Variants in DCUN1D2 observed in about 807,000 individuals in gnomAD.
DCUN1D2 encodes defective in cullin neddylation 1 domain containing 2.
In DCUN1D2, 29 loss-of-function variants were observed where a neutral mutation model predicts 30.9. The observed-to-expected ratio is 0.94, with a 90% CI of 0.70 to 1.28. DCUN1D2 has a LOEUF of 1.28. Ranked by LOEUF, DCUN1D2 falls within the 50% of genes most tolerant of loss-of-function variation. DCUN1D2 has a pLI of 0.00. For missense variants in DCUN1D2, 325 were observed against 316.9 expected (o/e 1.03, Z -0.19); for synonymous variants, 121 against 115.3 (o/e 1.05, Z -0.32).
chr13:113,477,872 T>C (rs2139724051), intron 3 of DCUN1D2, among the ~76,000 whole-genome samples: 1 of 152,324 alleles, frequency 6.6e-6, no homozygotes, highest in African/African-American at 2.4e-5. Flanking sequence ...TCTGTCATGA[T>C]GTATCATCCT....
upstream of DCUN1D2, chr13:113,491,221 C>T (rs1191883885): frequency 6.6e-6 from 1 of 152,332 alleles, no homozygotes; most frequent in African/African-American, 2.4e-5. Flanking sequence ...CGGCCCAGGC[C>T]GCGGAACGGT....
chr13:113,490,956 C>G (rs1055100159), upstream of DCUN1D2: 1 of 198,610 alleles, frequency 5.0e-6, no homozygotes, highest in African/African-American at 2.3e-5. This position sits in a 1 kb window ranked among gnomAD's most constrained non-coding sequence, Gnocchi z 5.2. Flanking sequence ...AAGTGCTCGC[C>G]GCCCGCGGCC....
Position 113,456,449 on chromosome 13 carries a change from G to A in DCUN1D2, c.*1580C>T. On this transcript the variant is annotated 3_prime_UTR_variant, in exon 7 of 7. Transcript: ENST00000478244. ...TTCTCAGAAGCCAACCCAGCTGCTT[G>A]TCTGGGCCATGCTCTCTCACACCGC... 2.5e-6 allele frequency: 1 copy of A among 398,762 alleles called. No individual in the cohort carries two copies. The highest frequency in any genetic ancestry group is 3.6e-5 in the East Asian group (1 of 28,084). The allele number at this position is 398,762 out of a possible 1,614,324, so 24.7% of individuals were successfully genotyped here.
rs565604739 is a variant in DCUN1D2 at position 113,456,001 on chromosome 13, A to G, written c.*2028T>C. ...TCTCAAAAACAAAAAAGTACTGTGGATCTCCATAGTTTATACAGAATTATG... is the reference window on the plus strand; with the variant it reads ...TCTCAAAAACAAAAAAGTACTGTGGGTCTCCATAGTTTATACAGAATTATG... On this transcript the variant is annotated 3_prime_UTR_variant, in exon 7 of 7. Coordinates refer to ENST00000478244, the MANE Select transcript of DCUN1D2 (RefSeq NM_001014283.2). 2 of 391,406 alleles carry G rather than the reference A, an allele frequency of 5.1e-6. No homozygotes were observed. The highest frequency in any genetic ancestry group is 8.9e-5 in the Admixed American group (2 of 22,554). 24.2% of individuals were successfully genotyped at this position (391,406 alleles called of 1,614,324 possible).
chr13:113,489,041 T>C (rs2044858617), intron 1 of DCUN1D2: 5 of 850,236 alleles, frequency 5.9e-6, no homozygotes, highest in Non-Finnish European at 7.1e-6. Context: ...GATACCCATA[T>C]GTAAAATGGA....
Position 113,456,515 on chromosome 13 carries a change from C to G in DCUN1D2, c.*1514G>C. 7.5e-6 allele frequency: 3 copies of G among 397,560 alleles called. No individual in the cohort carries two copies. Among genetic ancestry groups the G allele is most frequent in the Non-Finnish European group, 1.3e-5 (3 of 225,734 alleles). 24.6% of individuals were successfully genotyped at this position (397,560 alleles called of 1,614,324 possible). On this transcript the variant is annotated 3_prime_UTR_variant, in exon 7 of 7. Coordinates refer to ENST00000478244, the MANE Select transcript of DCUN1D2 (RefSeq NM_001014283.2). Reference sequence around the variant, plus strand: ...GGCGACTCTCCTCTGTGCTGGGCAGCAGCTCCAGCTGGTCCACGTCCTGCA... The same window carrying G: ...GGCGACTCTCCTCTGTGCTGGGCAGGAGCTCCAGCTGGTCCACGTCCTGCA...
intron 5 of DCUN1D2, among the ~76,000 whole-genome samples, chr13:113,460,151 A>G (rs1393296696): frequency 6.6e-6 from 1 of 152,246 alleles, no homozygotes; most frequent in Non-Finnish European, 1.5e-5. Flanking sequence ...CATAGCTGCA[A>G]AGACGTCTCT....
Position 113,483,912 on chromosome 13 carries a change from A to T in DCUN1D2, c.148T>A (p.Ser50Thr), listed in dbSNP as rs1594125111. 1.2e-6 allele frequency: 2 copies of T among 1,613,986 alleles called. No homozygotes were observed. ...TTCCGCATGGACTCCCTGTGGAGCGAGTCTGGGTTTTGGAAGAAGCTGTCC... is the reference window on the plus strand; with the variant it reads ...TTCCGCATGGACTCCCTGTGGAGCGTGTCTGGGTTTTGGAAGAAGCTGTCC... ...ATDSFFQNPDSLHRESMRNAV... is the reference protein window; with the variant it reads ...ATDSFFQNPDTLHRESMRNAV... The change falls in exon 2 of 7, where the codon TCG becomes ACG. Residue 50 changes from serine (S) to threonine (T), a missense_variant. Coordinates refer to ENST00000478244, the MANE Select transcript of DCUN1D2 (RefSeq NM_001014283.2).
intron 4 of DCUN1D2, among the ~76,000 whole-genome samples, chr13:113,469,760 G>T (rs2044470932): frequency 6.7e-6 from 1 of 148,156 alleles, no homozygotes; most frequent in African/African-American, 2.4e-5. Flanking sequence ...GATCACTTAA[G>T]CCCAAGAATT....
rs2044520151 is a variant in DCUN1D2 at position 113,471,777 on chromosome 13, G to GC, written c.520+2346_520+2347insG. ...CTTAAGACATTCAAAGGATCGAAAA[G>GC]GATTTTTCATACCCAGCACGCAAGG... On this transcript the variant is annotated intron_variant, in intron 4 of 6. Transcript: ENST00000478244. 3.3e-5 allele frequency among the ~76,000 whole-genome samples: 5 copies of GC among 152,162 alleles called. 1 individual carries two copies.
chr13:113,491,399 C>A (rs1350667585), upstream of DCUN1D2: 3 of 149,964 alleles, frequency 2.0e-5, no homozygotes, highest in African/African-American at 7.4e-5. Flanking sequence ...TCCCAAGGGT[C>A]CCCTTCCTTC....
At chr13:113,465,144 G>A (rs1566494440) in intron 4 of DCUN1D2, among the ~76,000 whole-genome samples, 1 of 152,180 alleles carries the variant, frequency 6.6e-6, no homozygotes, top group Non-Finnish European at 1.5e-5. Flanking sequence ...AATAGAAGCT[G>A]AGTTATCCTA....
At chr13:113,484,542 A>G (rs980304977) in intron 1 of DCUN1D2, among the ~76,000 whole-genome samples, 1 of 152,210 alleles carries the variant, frequency 6.6e-6, no homozygotes, top group African/African-American at 2.4e-5. Context: ...ATGTACACAA[A>G]TAACTAAGAA....
intron 2 of DCUN1D2, among the ~76,000 whole-genome samples, chr13:113,481,720 C>T (rs181163741): frequency 0.012 from 1,769 of 152,022 alleles, 38 homozygotes; most frequent in South Asian, 0.099. Context: ...CCCGTCTCTA[C>T]TAAAAATACA....
rs762460811 is a variant in DCUN1D2 at position 113,457,979 on chromosome 13, C to A, written c.*50G>T. The A allele has an allele frequency of 3.4e-5, 53 of 1,536,618 alleles. No individual in the cohort carries two copies. Among genetic ancestry groups the A allele is most frequent in the Non-Finnish European group, 4.4e-5 (49 of 1,109,692 alleles). On this transcript the variant is annotated 3_prime_UTR_variant, in exon 7 of 7. Coordinates refer to ENST00000478244, the MANE Select transcript of DCUN1D2 (RefSeq NM_001014283.2). The stretch of plus-strand genomic sequence containing the variant: ...GCACCCAGGAACTGACTGCAATCTC[C>A]TTGCAGGATACAAATCATTTCATAA...
At chr13:113,489,146 C>G in intron 1 of DCUN1D2, 1 of 985,414 alleles carries the variant, frequency 1.0e-6, no homozygotes, top group Non-Finnish European at 1.2e-6. Context: ...TTATGGATCA[C>G]TTTCACTCTG....
In DCUN1D2 at chr13:113,481,200, G is replaced by C. The variant is rs74822390; in HGVS notation, c.221-457C>G. Among the ~76,000 whole-genome samples, 727 of 152,210 alleles carry C rather than the reference G, an allele frequency of 4.8e-3. 34 individuals carry two copies. In the East Asian group the frequency reaches 0.12, roughly 24 times the overall value. ...ATGTTTTTCTTAAGTGATTTCATTT[G>C]CTAATTCTAATGGTACTGGACAATA... On this transcript the variant is annotated intron_variant, in intron 2 of 6. Coordinates refer to ENST00000478244, the MANE Select transcript of DCUN1D2 (RefSeq NM_001014283.2).
At position 113,461,219 on chromosome 13, in the gene DCUN1D2, A is replaced by T. The variant is rs1435493900; in HGVS notation, c.521-83T>A. 80 of 818,044 alleles carry T rather than the reference A, an allele frequency of 9.8e-5. 2 individuals are homozygous for T. The South Asian group carries it at 1.1e-3, about 11-fold the overall frequency. 50.7% of individuals were successfully genotyped at this position (818,044 alleles called of 1,614,324 possible). On this transcript the variant is annotated intron_variant, in intron 4 of 6. Coordinates refer to ENST00000478244, the MANE Select transcript of DCUN1D2 (RefSeq NM_001014283.2). ...AAAAACGACCACTTCTTAGCATGTC[A>T]ATATTTACTTAATAAAATGTGGCAA...
intron 1 of DCUN1D2, chr13:113,484,262 G>A: frequency 9.0e-7 from 1 of 1,108,550 alleles, no homozygotes; most frequent in Non-Finnish European, 1.2e-6. Context: ...AAAATTATGA[G>A]AATTAACATT....
Sources: allele counts gnomAD v4.1 joint callset (sites outside exome capture counted in the v4.1 genomes callset), GRCh38; gene constraint gnomAD v4.1.1; non-coding constraint Gnocchi (gnomAD v3.1); transcripts MANE v1.5; gene names NCBI Gene and HGNC (gene_info 2026-07-23, HGNC 2026-07-21).